The following MGAT4C variants were observed in gnomAD, a reference collection of about 807,000 sequenced individuals.
The protein encoded by MGAT4C is alpha-1,3-mannosyl-glycoprotein 4-beta-N-acetylglucosaminyltransferase C.
In MGAT4C, 19 loss-of-function variants were observed where a neutral mutation model predicts 40.1. The ratio of observed to expected loss-of-function variants is 0.47; its 90% CI spans 0.33 to 0.70. The LOEUF (loss-of-function observed/expected upper bound fraction) is 0.70. Ranked by LOEUF, MGAT4C falls within the 30% of genes least tolerant of loss-of-function variation. The pLI, the probability that MGAT4C is intolerant of heterozygous loss-of-function variation, is 0.02. For synonymous variants in MGAT4C, 181 were observed against 187.1 expected (o/e 0.97, Z 0.27); for missense variants, 491 against 563.2 (o/e 0.87, Z 1.30).
At chr12:86,479,171 T>G (rs1004510686) in intron 2 of MGAT4C, among the ~76,000 whole-genome samples, 4 of 152,154 alleles carry the variant, frequency 2.6e-5, no homozygotes, top group African/African-American at 9.6e-5. Flanking sequence ...TCAGTACCTG[T>G]TTCATCCATT....
intron 2 of MGAT4C, among the ~76,000 whole-genome samples, chr12:86,688,233 G>A (rs1244611704): frequency 1.7e-5 from 2 of 117,328 alleles, no homozygotes; most frequent in Non-Finnish European, 3.3e-5. Context: ...TTGAGCTTAT[G>A]TGTGTCTTTG....
chr12:86,725,115 G>A (rs890164574), intron 2 of MGAT4C, among the ~76,000 whole-genome samples: 1 of 152,192 alleles, frequency 6.6e-6, no homozygotes, highest in African/African-American at 2.4e-5. Context: ...CAAAACATCT[G>A]AATATTATGG....
chr12:86,476,825 G>C (rs1258576389), intron 2 of MGAT4C, among the ~76,000 whole-genome samples: 1 of 152,118 alleles, frequency 6.6e-6, no homozygotes, highest in African/African-American at 2.4e-5. Flanking sequence ...ATTAATGCAG[G>C]AACAAGAAAG....
rs1291227748 is a variant in MGAT4C, at chr12:86,038,476, G to T, written c.-7+11198C>A. Among the ~76,000 whole-genome samples the T allele has an allele frequency of 4.0e-5, 6 of 149,806 alleles. 1 individual carries two copies. Among genetic ancestry groups the T allele is most frequent in the African/African-American group, 1.5e-4 (6 of 41,214 alleles). Reference sequence around the variant, plus strand: ...GATAGTTAGCTCTTCCTGTTGCATTGATCCCTTTACCATTATGTAATGCCC... The same window carrying T: ...GATAGTTAGCTCTTCCTGTTGCATTTATCCCTTTACCATTATGTAATGCCC... On this transcript the variant is annotated intron_variant, in intron 2 of 4. Coordinates refer to ENST00000611864, the MANE Select transcript of MGAT4C (RefSeq NM_001351288.2).
At chr12:86,020,613 T>G (rs1396062245) in intron 2 of MGAT4C, among the ~76,000 whole-genome samples, 3 of 152,094 alleles carry the variant, frequency 2.0e-5, no homozygotes, top group South Asian at 4.1e-4. Context: ...TTAAATGTTA[T>G]ACCTAAAACC....
chr12:86,034,661 T>C (rs1310421187), intron 2 of MGAT4C, among the ~76,000 whole-genome samples: 4 of 148,998 alleles, frequency 2.7e-5, no homozygotes, highest in African/African-American at 9.7e-5. Context: ...ACATGTGCCA[T>C]AGGGGTTTGC....
At chr12:86,589,754 G>A (rs141357113) in intron 2 of MGAT4C, among the ~76,000 whole-genome samples, 4,688 of 151,850 alleles carry the variant, frequency 0.031, 121 homozygotes, top group African/African-American at 0.074. Context: ...TTCAATATAC[G>A]CAAATCACTA....
chr12:86,730,702 T>C (rs1276309018), intron 1 of MGAT4C, among the ~76,000 whole-genome samples: 1 of 152,112 alleles, frequency 6.6e-6, no homozygotes, highest in African/African-American at 2.4e-5. Flanking sequence ...AGTAAAATAC[T>C]GCTGTGTTTT....
At chr12:86,507,176 T>C (rs1186513844) in intron 2 of MGAT4C, among the ~76,000 whole-genome samples, 2 of 152,208 alleles carry the variant, frequency 1.3e-5, no homozygotes, top group African/African-American at 4.8e-5. Context: ...TCTGAGTTTT[T>C]GTAAGAAAAC....
At chr12:86,115,405 T>C (rs1442206177) in intron 1 of MGAT4C, among the ~76,000 whole-genome samples, 3 of 151,964 alleles carry the variant, frequency 2.0e-5, no homozygotes, top group Admixed American at 1.3e-4. Context: ...AATGATACAA[T>C]ACTAATTTAA....
At chr12:86,423,371 G>A (rs1214324391) in intron 3 of MGAT4C, among the ~76,000 whole-genome samples, 3 of 151,542 alleles carry the variant, frequency 2.0e-5, no homozygotes, top group Non-Finnish European at 4.4e-5. Context: ...ATGTTAGCAT[G>A]TAAGTGCTCC....
intron 3 of MGAT4C, among the ~76,000 whole-genome samples, chr12:86,343,443 C>T (rs1954944572): frequency 6.6e-6 from 1 of 152,058 alleles, no homozygotes; most frequent in Admixed American, 6.6e-5. Context: ...GAGCATATTG[C>T]ATCCTAAAAC....
intron 2 of MGAT4C, among the ~76,000 whole-genome samples, chr12:86,719,092 T>C (rs904073269): frequency 1.3e-5 from 2 of 152,164 alleles, no homozygotes; most frequent in East Asian, 3.9e-4. Flanking sequence ...CCTGTCCAGG[T>C]TCAAGGAAAG....
At chr12:86,032,203 T>G (rs1890818520) in intron 2 of MGAT4C, among the ~76,000 whole-genome samples, 1 of 151,978 alleles carries the variant, frequency 6.6e-6, no homozygotes, top group East Asian at 1.9e-4. Flanking sequence ...TCTTTCCTTT[T>G]GAGAACAGTG....
chr12:86,182,319 TA>T (rs1397371570), intron 1 of MGAT4C, among the ~76,000 whole-genome samples: 2 of 152,160 alleles, frequency 1.3e-5, no homozygotes, highest in Non-Finnish European at 2.9e-5. Context: ...TAAAGCAGGT[TA>T]TGCACAAAAT....
At chr12:86,620,920 G>A (rs374679625) in intron 2 of MGAT4C, among the ~76,000 whole-genome samples, 234 of 152,164 alleles carry the variant, frequency 1.5e-3, no homozygotes, top group African/African-American at 5.4e-3. Flanking sequence ...GGCTTCTACT[G>A]TGATTGTAAG....
At chr12:86,549,829 C>T (rs953429786) in intron 2 of MGAT4C, among the ~76,000 whole-genome samples, 5 of 152,178 alleles carry the variant, frequency 3.3e-5, no homozygotes, top group African/African-American at 1.2e-4. Context: ...TATGGAGACA[C>T]CCAGCCTCTG....
At chr12:86,431,621 G>T (rs1405700676) in intron 3 of MGAT4C, among the ~76,000 whole-genome samples, 1 of 152,082 alleles carries the variant, frequency 6.6e-6, no homozygotes, top group African/African-American at 2.4e-5. Flanking sequence ...TACCATAAAT[G>T]TTCTCAGAAT....
chr12:86,251,838 T>C (rs1193582213), intron 1 of MGAT4C, among the ~76,000 whole-genome samples: 3 of 152,034 alleles, frequency 2.0e-5, no homozygotes, highest in African/African-American at 7.2e-5. Flanking sequence ...ATATGCTCAG[T>C]TCCATGCCAC....
Sources: allele counts gnomAD v4.1 joint callset (sites outside exome capture counted in the v4.1 genomes callset), GRCh38; gene constraint gnomAD v4.1.1; transcripts MANE v1.5; gene names NCBI Gene and HGNC (gene_info 2026-07-23, HGNC 2026-07-21).